The following C6orf136 variants were observed in gnomAD, a reference collection of about 807,000 sequenced individuals.
The protein encoded by C6orf136 is chromosome 6 open reading frame 136.
C6orf136 carries 29 observed loss-of-function variants against 44.0 expected under a neutral mutation model. That is an observed-to-expected ratio of 0.66 (90% CI 0.49 to 0.90). C6orf136 has a LOEUF of 0.90. C6orf136 is among the 40% of genes least tolerant of loss of function. The pLI, the probability that C6orf136 is intolerant of heterozygous loss-of-function variation, is 0.00. For missense variants in C6orf136, 628 were observed against 669.3 expected, an observed-to-expected ratio of 0.94 and a Z score of 0.68; for synonymous variants, 293 against 278.6, an observed-to-expected ratio of 1.05 and a Z score of -0.52.
chr6:30,647,668 C>A lies in C6orf136; in HGVS notation c.437C>A (p.Ser146Tyr). The part of the protein sequence containing the change: ...RSPAAAPSRS[S>Y]PAQTRPAGRP... ...CCTGCTGCGGCGCCGTCCCGGAGTT[C>A]CCCGGCCCAGACCAGACCCGCGGGG... Residue 146 changes from serine to tyrosine, a missense_variant, in exon 1 of 6, where the codon TCC becomes TAC. Ser to Tyr is a moderately radical substitution (Grantham distance 144). Transcript: ENST00000651131. This position sits in a 1 kb window ranked among gnomAD's most constrained non-coding sequence, Gnocchi z 4.8. 6.5e-7 allele frequency: 1 copy of A among 1,550,082 alleles called. No individual in the cohort carries two copies. Among genetic ancestry groups the A allele is most frequent in the Non-Finnish European group, 8.7e-7 (1 of 1,146,666 alleles).
In C6orf136 at chr6:30,647,159, C is replaced by G. The variant is rs1766883429; in HGVS notation, c.-73C>G. On this transcript the variant is annotated 5_prime_UTR_variant, in exon 1 of 6. Transcript: ENST00000651131. The surrounding 1 kb of genome is among the most constrained non-coding windows in gnomAD (Gnocchi z 4.8). ...TCCTTTCCCCTTCACGAAGCCGGCTCTGGGGCGCGCTCACCCCTGTGAGGA... is the reference window on the plus strand; with the variant it reads ...TCCTTTCCCCTTCACGAAGCCGGCTGTGGGGCGCGCTCACCCCTGTGAGGA... The G allele has an allele frequency of 1.5e-6, 2 of 1,324,778 alleles. No individual in the cohort carries two copies. Among genetic ancestry groups the G allele is most frequent in the South Asian group, 2.9e-5 (2 of 68,512 alleles). 82.1% of individuals were successfully genotyped at this position (1,324,778 alleles called of 1,614,324 possible). A position where few individuals can be genotyped will look rare whatever the true frequency, so the allele number is the denominator to read the frequency against.
Position 30,647,565 on chromosome 6 carries a change from G to C in C6orf136, c.334G>C (p.Val112Leu). 1.3e-6 allele frequency: 2 copies of C among 1,534,234 alleles called. No homozygotes were observed. The highest frequency in any genetic ancestry group is 8.8e-7 in the Non-Finnish European group (1 of 1,134,586). The change falls in exon 1 of 6, where the codon GTC (valine) becomes CTC (leucine). Residue 112 changes from valine (V) to leucine (L), a missense_variant. By Grantham distance (32) the Val-to-Leu change is conservative. This residue lies in a region of C6orf136 where 497 missense variants were observed against 469.2 expected (regional missense o/e 1.06). Coordinates refer to ENST00000651131, the MANE Select transcript of C6orf136 (RefSeq NM_001161376.2). This position sits in a 1 kb window ranked among gnomAD's most constrained non-coding sequence, Gnocchi z 4.8. The stretch of plus-strand genomic sequence containing the variant: ...GGGTCAAGGCCAGGCAGCGGGGCGC[G>C]TCTGCGTTGCGCCCGACTCTCCGCG... The part of the protein sequence containing the change: ...RRGQGQAAGR[V>L]CVAPDSPRLP...
At chr6:30,650,944 A>T in intron 2 of C6orf136, 50 bp from the exon 3 acceptor site, 1 of 1,361,242 alleles carries the variant, frequency 7.3e-7, no homozygotes, top group Non-Finnish European at 1.0e-6. Context: ...ACTGAAAAAT[A>T]GGATTATCTT....
intron 2 of C6orf136, among the ~76,000 whole-genome samples, chr6:30,650,339 A>ATT (rs1767290047): frequency 6.6e-6 from 1 of 150,440 alleles, no homozygotes; most frequent in Non-Finnish European, 1.5e-5. Context: ...GTGAAAGGAG[A>ATT]TATCTCCATT....
At position 30,653,095 on chromosome 6, in the gene C6orf136, C is replaced by G; in HGVS notation, c.*180C>G. The G allele has an allele frequency of 9.0e-7, 1 of 1,114,232 alleles. No homozygotes were observed. Among genetic ancestry groups the G allele is most frequent in the South Asian group, 1.6e-5 (1 of 62,704 alleles). 69.0% of individuals were successfully genotyped at this position (1,114,232 alleles called of 1,614,324 possible). A position where few individuals can be genotyped will look rare whatever the true frequency, so the allele number is the denominator to read the frequency against. ...CTTGTAAATAATAAAGTTTAACTGA[C>G]TATATGAGATAGAATTTCACATATC... On this transcript the variant is annotated 3_prime_UTR_variant, in exon 6 of 6. Coordinates refer to ENST00000651131, the MANE Select transcript of C6orf136 (RefSeq NM_001161376.2).
chr6:30,651,236 T>C (rs1214828077), intron 3 of C6orf136, 30 bp from the exon 4 acceptor site: 3 of 1,601,484 alleles, frequency 1.9e-6, no homozygotes, highest in Non-Finnish European at 2.6e-6. Flanking sequence ...TCTGCCATCA[T>C]GAGATTTCTT....
In C6orf136 at chr6:30,647,673, G is replaced by T; in HGVS notation, c.442G>T (p.Ala148Ser). 1 of 1,550,116 alleles carries T rather than the reference G, an allele frequency of 6.5e-7. No individual in the cohort carries two copies. Among genetic ancestry groups the T allele is most frequent in the South Asian group, 1.2e-5 (1 of 84,030 alleles). Reference sequence around the variant, plus strand: ...TGCGGCGCCGTCCCGGAGTTCCCCGGCCCAGACCAGACCCGCGGGGCGCCC... The same window carrying T: ...TGCGGCGCCGTCCCGGAGTTCCCCGTCCCAGACCAGACCCGCGGGGCGCCC... ...PAAAPSRSSP[A>S]QTRPAGRPQQ... The change falls in exon 1 of 6, where the codon GCC becomes TCC. Residue 148 changes from alanine to serine, a missense_variant. Around this residue, in one of 2 missense-constraint regions of C6orf136, gnomAD observed 497 missense variants for 469.2 expected, o/e 1.06. Coordinates refer to ENST00000651131, the MANE Select transcript of C6orf136 (RefSeq NM_001161376.2). The surrounding 1 kb of genome is among the most constrained non-coding windows in gnomAD (Gnocchi z 4.8).
At chr6:30,650,213 G>A (rs1466133727) in intron 2 of C6orf136, among the ~76,000 whole-genome samples, 1 of 151,876 alleles carries the variant, frequency 6.6e-6, no homozygotes, top group Non-Finnish European at 1.5e-5. Context: ...GGCCAACATG[G>A]TGAAACCCCA....
chr6:30,652,959 C>CAAGAG lies in C6orf136; in HGVS notation c.*48_*52dup. The stretch of plus-strand genomic sequence containing the variant: ...AGGCAGCACTGAAGACTGCTACGCC[C>CAAGAG]AAGAGAAGGAGGTGGAGGCAGCCAA... On this transcript the variant is annotated 3_prime_UTR_variant, in exon 6 of 6. Coordinates refer to ENST00000651131, the MANE Select transcript of C6orf136 (RefSeq NM_001161376.2). 1 of 1,541,008 alleles carries CAAGAG rather than the reference C, an allele frequency of 6.5e-7. No homozygotes were observed. Among genetic ancestry groups the CAAGAG allele is most frequent in the South Asian group, 1.1e-5 (1 of 89,552 alleles).
intron 1 of C6orf136, among the ~76,000 whole-genome samples, chr6:30,649,075 G>A (rs1266667482): frequency 2.0e-5 from 3 of 149,914 alleles, no homozygotes; most frequent in Non-Finnish European, 4.5e-5. Flanking sequence ...ACATAAAACA[G>A]TTTGCTCGGC....
At position 30,647,650 on chromosome 6, in the gene C6orf136, C is replaced by T. The variant is rs1766981470; in HGVS notation, c.419C>T (p.Ala140Val). 1 of 1,549,866 alleles carries T rather than the reference C, an allele frequency of 6.5e-7. No individual in the cohort carries two copies. Among genetic ancestry groups the T allele is most frequent in the African/African-American group, 1.4e-5 (1 of 73,002 alleles). ...GGCCGAGAGATTCGTAGCCCTGCTG[C>T]GGCGCCGTCCCGGAGTTCCCCGGCC... ...GRGREIRSPA[A>V]APSRSSPAQT... Residue 140 changes from alanine (A) to valine (V), a missense_variant, in exon 1 of 6, where the codon GCG (alanine) becomes GTG (valine). Ala to Val is a moderately conservative substitution (Grantham distance 64, BLOSUM62 0). Around this residue, in one of 2 missense-constraint regions of C6orf136, gnomAD observed 497 missense variants for 469.2 expected, o/e 1.06. Transcript: ENST00000651131. This position sits in a 1 kb window ranked among gnomAD's most constrained non-coding sequence, Gnocchi z 4.8.
chr6:30,652,239 TCACACACA>T (rs5875269), intron 4 of C6orf136, among the ~76,000 whole-genome samples: 70,306 of 142,428 alleles, frequency 0.49, 17,491 homozygotes, highest in South Asian at 0.56. Context: ...TGAAACCCTG[TCACACACA>T]CACACACACA....
Position 30,651,026 on chromosome 6 carries a change from C to T in C6orf136, c.1050C>T (p.Tyr350=). 2 of 1,614,082 alleles carry T rather than the reference C, an allele frequency of 1.2e-6. No homozygotes were observed. Among genetic ancestry groups the T allele is most frequent in the Non-Finnish European group, 1.7e-6 (2 of 1,179,924 alleles). Residue 350 remains tyrosine (Y), a synonymous_variant, in exon 3 of 6, where the codon TAC becomes TAT. Transcript: ENST00000651131. ...AGCTCTTCCTTCAGTCCCACGACTA[C>T]AGTCTGTATTCCTTGGATGTGGAAT... ...LPKLFLQSHD[Y]SLYSLDVEFI...
In C6orf136 at chr6:30,647,705, G is replaced by A; in HGVS notation, c.474G>A (p.Gln158=). The part of the protein sequence containing the change: ...AQTRPAGRPQ[Q]PARLALGERS... ...CCAGACCCGCGGGGCGCCCTCAGCAGCCCGCCCGTCTTGCACTCGGAGAGC... is the reference window on the plus strand; with the variant it reads ...CCAGACCCGCGGGGCGCCCTCAGCAACCCGCCCGTCTTGCACTCGGAGAGC... Residue 158 remains glutamine (Q), a synonymous_variant, in exon 1 of 6, where the codon CAG becomes CAA. Coordinates refer to ENST00000651131, the MANE Select transcript of C6orf136 (RefSeq NM_001161376.2). This position sits in a 1 kb window ranked among gnomAD's most constrained non-coding sequence, Gnocchi z 4.8. The A allele has an allele frequency of 6.5e-7, 1 of 1,550,116 alleles. No homozygotes were observed. Among genetic ancestry groups the A allele is most frequent in the South Asian group, 1.2e-5 (1 of 84,018 alleles).
At chr6:30,648,837 T>C (rs1436869776) in intron 1 of C6orf136, among the ~76,000 whole-genome samples, 2 of 150,304 alleles carry the variant, frequency 1.3e-5, no homozygotes, top group African/African-American at 4.9e-5. Context: ...TGAAACCCCA[T>C]CTGTAACTAA....
chr6:30,647,330 G>A lies in C6orf136; in HGVS notation c.99G>A (p.Arg33=). The change falls in exon 1 of 6, where the codon AGG becomes AGA. Residue 33 remains arginine, a synonymous_variant. Coordinates refer to ENST00000651131, the MANE Select transcript of C6orf136 (RefSeq NM_001161376.2). The surrounding 1 kb of genome is among the most constrained non-coding windows in gnomAD (Gnocchi z 4.8). ...PQVSGGEEGG[R]RGGGERPSSK... is the part of the protein sequence containing the mutation. The stretch of plus-strand genomic sequence containing the variant: ...TGAGCGGAGGAGAAGAGGGAGGGAG[G>A]AGAGGGGGCGGGGAGAGACCCTCCT... 4 of 1,578,668 alleles carry A rather than the reference G, an allele frequency of 2.5e-6. No homozygotes were observed. Among genetic ancestry groups the A allele is most frequent in the Non-Finnish European group, 3.4e-6 (4 of 1,165,690 alleles).
Position 30,647,338 on chromosome 6 carries a change from GC to G in C6orf136, c.108del (p.Glu38ArgfsTer38). 6.4e-7 allele frequency: 1 copy of G among 1,566,884 alleles called. No individual in the cohort carries two copies. The highest frequency in any genetic ancestry group is 1.2e-5 in the South Asian group (1 of 85,126). On this transcript the variant is annotated frameshift_variant, in exon 1 of 6. Coordinates refer to ENST00000651131, the MANE Select transcript of C6orf136 (RefSeq NM_001161376.2). LOFTEE classifies it high-confidence loss of function. This position sits in a 1 kb window ranked among gnomAD's most constrained non-coding sequence, Gnocchi z 4.8. ...SGGEEGGRRG[G>X]GERPSSKPVR... ...GGAGAAGAGGGAGGGAGGAGAGGGG[GC>G]GGGGAGAGACCCTCCTCAAAGCCGG...
intron 4 of C6orf136, among the ~76,000 whole-genome samples, chr6:30,652,274 CACACACACAA>C (rs748883787): frequency 1.7e-4 from 24 of 144,886 alleles, no homozygotes; most frequent in Non-Finnish European, 2.4e-4. Context: ...CACACACACA[CACACACACAA>C]AAGTACTGAA....
rs781543102 is a variant in C6orf136 at position 30,649,541 on chromosome 6, C to T, written c.616-17C>T. The T allele has an allele frequency of 6.4e-7, 1 of 1,572,158 alleles. No individual in the cohort carries two copies. The highest frequency in any genetic ancestry group is 8.6e-7 in the Non-Finnish European group (1 of 1,168,858). On this transcript the variant is annotated splice_polypyrimidine_tract_variant and intron_variant, in intron 1 of 5. Transcript: ENST00000651131. Reference sequence around the variant, plus strand: ...AAGTGGATTCTTATCTTTCTCCCTTCTGTTCTTTCTCCTTAGGACCAGCTT... The same window carrying T: ...AAGTGGATTCTTATCTTTCTCCCTTTTGTTCTTTCTCCTTAGGACCAGCTT...
Sources: allele counts gnomAD v4.1 joint callset (sites outside exome capture counted in the v4.1 genomes callset), GRCh38; gene constraint gnomAD v4.1.1; regional missense constraint gnomAD v4.1.1; non-coding constraint Gnocchi (gnomAD v3.1); transcripts MANE v1.5; gene names NCBI Gene and HGNC (gene_info 2026-07-23, HGNC 2026-07-21).